Variants in SLC36A1 observed in about 807,000 individuals in gnomAD.
The protein encoded by SLC36A1 is solute carrier family 36 member 1, also known as proton-coupled amino acid transporter 1.
Under a neutral mutation model 47.5 loss-of-function variants are expected in SLC36A1, and 30 were observed. The ratio of observed to expected loss-of-function variants is 0.63; its 90% CI spans 0.47 to 0.86. The LOEUF is 0.86. Among genes scored for constraint, SLC36A1 ranks in the 40% least tolerant of loss-of-function variants. The probability of loss-of-function intolerance (pLI) is 0.00; values close to 1 mark genes in which losing one functional copy is unlikely to be tolerated. For synonymous variants in SLC36A1, 255 were observed against 249.7 expected (o/e 1.02, Z -0.20); for missense variants, 517 against 606.0 (o/e 0.85, Z 1.54).
the SLC36A1 span, chr5:151,380,391 A>G: frequency 2.4e-5 from 9 of 381,732 alleles, no homozygotes; most frequent in South Asian, 2.0e-4. Flanking sequence ...TGAGCAGGAA[A>G]AACAAGAGCG....
the SLC36A1 span, among the ~76,000 whole-genome samples, chr5:151,431,828 A>G: frequency 6.6e-6 from 1 of 152,204 alleles, no homozygotes; most frequent in African/African-American, 2.4e-5. Flanking sequence ...CGTGAAAATG[A>G]ACTAATACAC....
At chr5:151,378,604 C>T in the SLC36A1 span, 1 of 185,760 alleles carries the variant, frequency 5.4e-6, no homozygotes, top group Non-Finnish European at 1.2e-5. Context: ...TGACCATCTT[C>T]CAGGCTGGCC....
At chr5:151,505,679 A>C in the SLC36A1 span, 1 of 1,613,948 alleles carries the variant, frequency 6.2e-7, no homozygotes, top group Non-Finnish European at 8.5e-7. Context: ...CCTCCACCTC[A>C]CAGACAGCAT....
chr5:151,428,242 C>T, the SLC36A1 span, among the ~76,000 whole-genome samples: 2 of 152,176 alleles, frequency 1.3e-5, no homozygotes, highest in Admixed American at 6.5e-5. Flanking sequence ...ACTCTAAATC[C>T]TGACTGATAG....
chr5:151,503,987 A>AATC, the SLC36A1 span: 1 of 152,184 alleles, frequency 6.6e-6, no homozygotes, highest in African/African-American at 2.4e-5. Context: ...GTTGCTTGAC[A>AATC]ATCTCTAGGA....
the SLC36A1 span, among the ~76,000 whole-genome samples, chr5:151,407,289 C>A: frequency 6.6e-6 from 1 of 152,232 alleles, no homozygotes; most frequent in Non-Finnish European, 1.5e-5. Flanking sequence ...CTGATTGGTC[C>A]ATTTTTACAG....
At chr5:151,550,525 A>C in the SLC36A1 span, 1 of 1,549,482 alleles carries the variant, frequency 6.5e-7, no homozygotes, top group Non-Finnish European at 8.8e-7. Context: ...GCATGTCTCC[A>C]AGCATGTCCA....
intron 5 of SLC36A1, 133 bp from the exon 6 acceptor site, chr5:151,467,066 T>A: frequency 1.5e-6 from 1 of 680,294 alleles, no homozygotes; most frequent in Non-Finnish European, 2.6e-6. Context: ...CACTATGCAG[T>A]ATATCCATTT....
At chr5:151,404,235 C>G in the SLC36A1 span, among the ~76,000 whole-genome samples, 1 of 152,126 alleles carries the variant, frequency 6.6e-6, no homozygotes, top group Non-Finnish European at 1.5e-5. Flanking sequence ...GAACAGTGAT[C>G]CTTGCTCTTT....
intron 10 of SLC36A1, among the ~76,000 whole-genome samples, chr5:151,484,113 C>T (rs1759194376): frequency 6.6e-6 from 1 of 152,196 alleles, no homozygotes; most frequent in Non-Finnish European, 1.5e-5. Flanking sequence ...TTCCACTTAA[C>T]TCCCACCACA....
the SLC36A1 span, among the ~76,000 whole-genome samples, chr5:151,408,070 C>T: frequency 2.0e-5 from 3 of 152,200 alleles, no homozygotes; most frequent in Non-Finnish European, 2.9e-5. Flanking sequence ...TCGAGGCTCA[C>T]GGTCACTCTA....
chr5:151,447,034 GT>G (rs56949601), upstream of SLC36A1, among the ~76,000 whole-genome samples: 1 of 152,050 alleles, frequency 6.6e-6, no homozygotes, highest in East Asian at 1.9e-4. Context: ...TCTTGTGACA[GT>G]TTTTGACTTG....
the SLC36A1 span, among the ~76,000 whole-genome samples, chr5:151,388,064 G>A: frequency 1.3e-5 from 2 of 152,226 alleles, no homozygotes; most frequent in African/African-American, 4.8e-5. Flanking sequence ...TCTACATTCT[G>A]TAGAGAACCC....
At chr5:151,512,795 TC>T in the SLC36A1 span, 1 of 606,494 alleles carries the variant, frequency 1.6e-6, no homozygotes, top group African/African-American at 1.9e-5. This position sits in a 1 kb window ranked among gnomAD's most constrained non-coding sequence, Gnocchi z 4.1. Context: ...TCTCCTTTGT[TC>T]TCACCACACC....
the SLC36A1 span, chr5:151,534,451 T>G: frequency 1.9e-6 from 3 of 1,613,564 alleles, no homozygotes; most frequent in Non-Finnish European, 2.5e-6. Context: ...ACAGGGGTCT[T>G]CACTGTGGTG....
At chr5:151,401,619 T>G in the SLC36A1 span, among the ~76,000 whole-genome samples, 1 of 152,216 alleles carries the variant, frequency 6.6e-6, no homozygotes, top group African/African-American at 2.4e-5. Context: ...TTTGGCAGTA[T>G]GGTCATCTTG....
chr5:151,437,377 A>C (rs1561709389), intron 1 of SLC36A1, among the ~76,000 whole-genome samples: 1 of 152,240 alleles, frequency 6.6e-6, no homozygotes, highest in Non-Finnish European at 1.5e-5. Flanking sequence ...CAAAGAATTT[A>C]TAATGAAAAG....
chr5:151,378,193 C>A, the SLC36A1 span: 71 of 267,096 alleles, frequency 2.7e-4, no homozygotes, highest in African/African-American at 1.5e-3. Context: ...GGTTTTTAAT[C>A]TTCTTCATGA....
chr5:151,492,935 C>T (rs1760226662), downstream of SLC36A1, among the ~76,000 whole-genome samples: 1 of 152,176 alleles, frequency 6.6e-6, no homozygotes, highest in Admixed American at 6.5e-5. Context: ...CGCAGACTTG[C>T]CGACTCATAC....
Sources: allele counts gnomAD v4.1 joint callset (sites outside exome capture counted in the v4.1 genomes callset), GRCh38; gene constraint gnomAD v4.1.1; non-coding constraint Gnocchi (gnomAD v3.1); transcripts MANE v1.5; gene names NCBI Gene and HGNC (gene_info 2026-07-23, HGNC 2026-07-21).